The following OPCML variants were observed in gnomAD, a reference collection of about 807,000 sequenced individuals.
OPCML encodes opioid-binding protein/cell adhesion molecule.
Under a neutral mutation model 37.8 loss-of-function variants are expected in OPCML, and 13 were observed. The ratio of observed to expected loss-of-function variants is 0.34; its 90% CI spans 0.22 to 0.55. The LOEUF (loss-of-function observed/expected upper bound fraction) is 0.55. Among genes scored for constraint, OPCML ranks in the 20% least tolerant of loss-of-function variants. The pLI is 0.91. For missense variants in OPCML, 341 were observed against 435.6 expected, an observed-to-expected ratio of 0.78 and a Z score of 1.93; for synonymous variants, 176 against 168.8, an observed-to-expected ratio of 1.04 and a Z score of -0.33.
rs562789728 is a variant in OPCML at position 133,001,105 on chromosome 11, T to C, written c.62-58095A>G. On this transcript the variant is annotated intron_variant, in intron 1 of 7. Coordinates refer to ENST00000524381, the MANE Select transcript of OPCML (RefSeq NM_001012393.5). Reference sequence around the variant, plus strand: ...GAACCATGAGCTAATTACACCTCTTTTCTTTATGGGTTACCCAGTCTCAGT... The same window carrying C: ...GAACCATGAGCTAATTACACCTCTTCTCTTTATGGGTTACCCAGTCTCAGT... Among the ~76,000 whole-genome samples the C allele has an allele frequency of 2.6e-5, 4 of 152,338 alleles. No individual in the cohort carries two copies. In the East Asian group the frequency reaches 5.8e-4, roughly 22 times the overall value.
intron 1 of OPCML, among the ~76,000 whole-genome samples, chr11:133,488,767 G>A (rs527905894): frequency 6.6e-6 from 1 of 152,132 alleles, no homozygotes; most frequent in African/African-American, 2.4e-5. Context: ...AATAGCCACA[G>A]CAATCCCAAG....
At chr11:132,977,041 C>G (rs12417995) in intron 1 of OPCML, among the ~76,000 whole-genome samples, 49 of 152,278 alleles carry the variant, frequency 3.2e-4, no homozygotes, top group African/African-American at 1.0e-3. Flanking sequence ...CCTGCCTGCA[C>G]GACACTGGGT....
chr11:132,833,315 A>G (rs1210651597), intron 2 of OPCML, among the ~76,000 whole-genome samples: 2 of 152,100 alleles, frequency 1.3e-5, no homozygotes, highest in Non-Finnish European at 2.9e-5. Flanking sequence ...ACAAACACGC[A>G]CATTAGCCGA....
rs1185386919 is a variant in OPCML, at chr11:132,419,180, G to A, written c.*1013C>T. 2 of 152,308 alleles carry A rather than the reference G, an allele frequency of 1.3e-5. No homozygotes were observed. The highest frequency in any genetic ancestry group is 2.1e-4 in the South Asian group (1 of 4,834). 9.4% of individuals were successfully genotyped at this position (152,308 alleles called of 1,614,324 possible). ...GATGGTGTATAAATGAATACAGTGG[G>A]AGAGATACAATATGGTTAGAGATTC... On this transcript the variant is annotated 3_prime_UTR_variant, in exon 8 of 8. Transcript: ENST00000524381.
intron 1 of OPCML, among the ~76,000 whole-genome samples, chr11:133,158,843 C>G (rs900335114): frequency 6.6e-6 from 1 of 152,104 alleles, no homozygotes; most frequent in Non-Finnish European, 1.5e-5. Flanking sequence ...TCAGGGAGGG[C>G]TGACTGCTTT....
chr11:133,157,244 T>C (rs1461342262), intron 1 of OPCML, among the ~76,000 whole-genome samples: 1 of 152,102 alleles, frequency 6.6e-6, no homozygotes, highest in Admixed American at 6.5e-5. Flanking sequence ...TGAAAAACCA[T>C]CACAAGACCT....
chr11:133,263,083 G>T lies in OPCML; in HGVS notation c.61+269181C>A, dbSNP rs58889562. 8.6e-5 allele frequency among the ~76,000 whole-genome samples: 13 copies of T among 151,856 alleles called. 1 individual carries two copies. In the East Asian group the frequency reaches 2.5e-3, roughly 30 times the overall value. ...CAGAATCTGAAAACAAGTGGGTATG[G>T]TTGGACTGTGGCTCGGACATTTACC... is the stretch of plus-strand genomic sequence containing the variant. On this transcript the variant is annotated intron_variant, in intron 1 of 7. Transcript: ENST00000524381.
At chr11:132,554,565 A>C (rs1002420831) in intron 3 of OPCML, among the ~76,000 whole-genome samples, 2 of 152,192 alleles carry the variant, frequency 1.3e-5, no homozygotes, top group African/African-American at 4.8e-5. Flanking sequence ...AGCTTTGCTG[A>C]GGACAGTGGG....
At chr11:132,969,180 G>A (rs1404957870) in intron 1 of OPCML, among the ~76,000 whole-genome samples, 6 of 143,266 alleles carry the variant, frequency 4.2e-5, no homozygotes, top group South Asian at 2.2e-4. Flanking sequence ...ATTTTTTAAC[G>A]TTAGTTTTGC....
intron 2 of OPCML, among the ~76,000 whole-genome samples, chr11:132,734,382 T>A (rs895776380): frequency 3.9e-5 from 6 of 152,190 alleles, no homozygotes; most frequent in African/African-American, 1.4e-4. Flanking sequence ...TGGTATTTCT[T>A]GAATGACTCA....
chr11:132,906,194 C>A (rs532648628), intron 2 of OPCML, among the ~76,000 whole-genome samples: 1 of 152,176 alleles, frequency 6.6e-6, no homozygotes, highest in African/African-American at 2.4e-5. Flanking sequence ...CATGACTCAT[C>A]GTAGAAATGC....
At chr11:132,433,653 G>A (rs1416957610) in intron 7 of OPCML, among the ~76,000 whole-genome samples, 1 of 152,186 alleles carries the variant, frequency 6.6e-6, no homozygotes, top group Non-Finnish European at 1.5e-5. Flanking sequence ...TTTGGAGGTG[G>A]CACCTATAGG....
intron 1 of OPCML, among the ~76,000 whole-genome samples, chr11:133,278,629 G>A (rs1942057974): frequency 6.6e-6 from 1 of 152,032 alleles, no homozygotes; most frequent in Non-Finnish European, 1.5e-5. Context: ...ACTACTAGAT[G>A]TGTGAGTTTC....
At chr11:132,712,029 G>C (rs1188367368) in intron 2 of OPCML, among the ~76,000 whole-genome samples, 3 of 152,172 alleles carry the variant, frequency 2.0e-5, no homozygotes, top group Non-Finnish European at 4.4e-5. Flanking sequence ...AGCTTCTATT[G>C]TTTGTAAAGT....
At chr11:133,265,819 C>A (rs1941642633) in intron 1 of OPCML, among the ~76,000 whole-genome samples, 1 of 152,144 alleles carries the variant, frequency 6.6e-6, no homozygotes, top group African/African-American at 2.4e-5. Flanking sequence ...TGCAGTCCCA[C>A]AAAAACAGAA....
intron 3 of OPCML, among the ~76,000 whole-genome samples, chr11:132,590,214 C>T (rs2096482132): frequency 6.6e-6 from 1 of 152,030 alleles, no homozygotes; most frequent in African/African-American, 2.4e-5. Context: ...ATATTATATA[C>T]ATAATAAAGA....
At chr11:132,929,460 T>C (rs1407234173) in intron 2 of OPCML, among the ~76,000 whole-genome samples, 1 of 152,144 alleles carries the variant, frequency 6.6e-6, no homozygotes, top group African/African-American at 2.4e-5. Context: ...CACTGCTGAA[T>C]TTTATCAAAC....
intron 3 of OPCML, among the ~76,000 whole-genome samples, chr11:132,649,303 C>T (rs1231387353): frequency 1.3e-5 from 2 of 152,160 alleles, no homozygotes; most frequent in Middle Eastern, 3.4e-3. Context: ...GTGTTGTGAA[C>T]TGTGTTGTCA....
At chr11:133,050,556 G>T (rs1366423059) in intron 1 of OPCML, among the ~76,000 whole-genome samples, 2 of 152,084 alleles carry the variant, frequency 1.3e-5, no homozygotes, top group African/African-American at 4.8e-5. Context: ...GAATAATGAG[G>T]TGGAGCCCAG....
Sources: gnomAD v4.1 joint callset for allele counts (sites outside exome capture counted in the v4.1 genomes callset) on GRCh38, gnomAD v4.1.1 for gene constraint, MANE v1.5 for transcripts, NCBI Gene and HGNC (gene_info 2026-07-23, HGNC 2026-07-21) for gene names.